Variants in DPP6 observed in about 807,000 individuals in gnomAD.
DPP6 encodes A-type potassium channel modulatory protein DPP6.
A neutral mutation model predicts 122.6 loss-of-function variants in DPP6; 69 were observed. The observed-to-expected ratio is 0.56, with a 90% CI of 0.46 to 0.69. DPP6 has a LOEUF of 0.69. Ranked by LOEUF, DPP6 falls within the 30% of genes least tolerant of loss-of-function variation. The pLI, the probability that DPP6 is intolerant of heterozygous loss-of-function variation, is 0.00. For missense variants in DPP6, 928 were observed against 1,116.9 expected (o/e 0.83, Z 2.41); for synonymous variants, 418 against 433.1 (o/e 0.97, Z 0.43).
chr7:154,215,844 C>G (rs1799966973), intron 1 of DPP6, among the ~76,000 whole-genome samples: 1 of 152,148 alleles, frequency 6.6e-6, no homozygotes, highest in South Asian at 2.1e-4. Context: ...GTCTCTGCAG[C>G]TGACTGATAT....
chr7:153,966,696 T>A (rs1212916952), intron 1 of DPP6, among the ~76,000 whole-genome samples: 1 of 151,940 alleles, frequency 6.6e-6, no homozygotes. Context: ...TTTTTAAGGA[T>A]GTGAGACTTG....
chr7:153,778,240 G>T, the DPP6 span, among the ~76,000 whole-genome samples: 1 of 151,010 alleles, frequency 6.6e-6, no homozygotes, highest in Admixed American at 6.6e-5. Flanking sequence ...TATAAAGAGG[G>T]AAGGCTAGAA....
chr7:154,313,452 C>T (rs79625918), intron 1 of DPP6, among the ~76,000 whole-genome samples: 1,878 of 151,788 alleles, frequency 0.012, 36 homozygotes, highest in African/African-American at 0.042. Flanking sequence ...GAAGTCTGAA[C>T]GTGGCACGAG....
intron 1 of DPP6, among the ~76,000 whole-genome samples, chr7:153,909,628 C>CG (rs915474513): frequency 2.0e-5 from 3 of 152,098 alleles, no homozygotes; most frequent in African/African-American, 7.2e-5. Flanking sequence ...ACATCGCAAA[C>CG]GACCTCCTTC....
rs574184397 is a variant in DPP6, at chr7:154,719,958, G to A, written c.763-7809G>A. 6.2e-4 allele frequency among the ~76,000 whole-genome samples: 94 copies of A among 152,280 alleles called. 1 individual carries two copies. The highest frequency in any genetic ancestry group is 2.1e-3 in the African/African-American group (86 of 41,560). On this transcript the variant is annotated intron_variant, in intron 7 of 25. Coordinates refer to ENST00000377770, the MANE Select transcript of DPP6 (RefSeq NM_130797.4). ...AGAGCAGGCCTCATCCTGCGCCCAC[G>A]TCCAACCTCCCTTATCCTCTCCCCC...
chr7:154,584,496 G>A (rs969488376), intron 5 of DPP6, among the ~76,000 whole-genome samples: 4 of 152,198 alleles, frequency 2.6e-5, no homozygotes, highest in South Asian at 2.1e-4. Context: ...ATAGAGCCTC[G>A]AGAAATATCC....
chr7:154,788,499 A>G (rs1324298622), intron 10 of DPP6, among the ~76,000 whole-genome samples: 1 of 152,164 alleles, frequency 6.6e-6, no homozygotes, highest in Admixed American at 6.5e-5. Flanking sequence ...TTGGTTGTTA[A>G]AAAAACACAT....
chr7:154,367,392 A>T (rs898113632), intron 1 of DPP6, among the ~76,000 whole-genome samples: 2 of 152,052 alleles, frequency 1.3e-5, no homozygotes, highest in African/African-American at 4.8e-5. Context: ...ACTTTTTTTT[A>T]AATTTTATTT....
At chr7:153,798,046 G>A in the DPP6 span, among the ~76,000 whole-genome samples, 1 of 152,084 alleles carries the variant, frequency 6.6e-6, no homozygotes, top group South Asian at 2.1e-4. Context: ...GTTTCACCAT[G>A]TTAGCCAGGA....
At chr7:153,885,806 A>G (rs566691764), upstream of DPP6, among the ~76,000 whole-genome samples, 3 of 152,242 alleles carry the variant, frequency 2.0e-5, no homozygotes, top group Non-Finnish European at 2.9e-5. Flanking sequence ...TACCTCTCTC[A>G]AGCCCAAATC....
intron 1 of DPP6, among the ~76,000 whole-genome samples, chr7:154,216,970 G>A (rs1800042013): frequency 6.6e-6 from 1 of 150,694 alleles, no homozygotes. Flanking sequence ...AGAAATATGA[G>A]ATTTATTCTA....
upstream of DPP6, among the ~76,000 whole-genome samples, chr7:153,883,475 C>T (rs1484759713): frequency 3.3e-5 from 5 of 152,104 alleles, no homozygotes; most frequent in African/African-American, 9.7e-5. Flanking sequence ...CTCCGCCTCC[C>T]GGGTTCAAGC....
intron 14 of DPP6, 70 bp from the exon 15 acceptor site, chr7:154,804,847 G>A: frequency 6.4e-7 from 1 of 1,555,446 alleles, no homozygotes; most frequent in Non-Finnish European, 8.7e-7. Context: ...CATAGAGGTA[G>A]TGCCAGGAAT....
At chr7:153,980,447 A>C (rs1346062486) in intron 1 of DPP6, among the ~76,000 whole-genome samples, 1 of 147,982 alleles carries the variant, frequency 6.8e-6, no homozygotes, top group Non-Finnish European at 1.5e-5. Context: ...TTTCTTCTTT[A>C]TTAGTCTGGT....
intron 1 of DPP6, among the ~76,000 whole-genome samples, chr7:154,243,365 A>C (rs1801768832): frequency 6.7e-6 from 1 of 150,122 alleles, no homozygotes; most frequent in South Asian, 2.1e-4. Context: ...GCAGTTATAA[A>C]TATAGCCAAG....
At chr7:154,239,392 A>C (rs1801424664) in intron 1 of DPP6, among the ~76,000 whole-genome samples, 1 of 152,176 alleles carries the variant, frequency 6.6e-6, no homozygotes, top group Non-Finnish European at 1.5e-5. Flanking sequence ...TGAAACAGCA[A>C]GACCAGCCCT....
chr7:154,282,657 C>T lies in DPP6; in HGVS notation c.244-163557C>T, dbSNP rs547089243. Among the ~76,000 whole-genome samples the T allele has an allele frequency of 3.3e-5, 5 of 152,276 alleles. No individual in the cohort carries two copies. The highest frequency in any genetic ancestry group is 1.2e-4 in the African/African-American group (5 of 41,560). ...TCAAATCGCATATGTTGCATGCTTACTTGAAAGGAATTTGCACAGAGTGGT... is the reference window on the plus strand; with the variant it reads ...TCAAATCGCATATGTTGCATGCTTATTTGAAAGGAATTTGCACAGAGTGGT... On this transcript the variant is annotated intron_variant, in intron 1 of 25. Transcript: ENST00000377770. The surrounding 1 kb of genome is among the most constrained non-coding windows in gnomAD (Gnocchi z 4.8).
chr7:154,297,673 T>C (rs1334654991), intron 1 of DPP6, among the ~76,000 whole-genome samples: 1 of 152,214 alleles, frequency 6.6e-6, no homozygotes, highest in Non-Finnish European at 1.5e-5. Flanking sequence ...TTTATTTCTC[T>C]TTCTTGTAAA....
chr7:154,005,640 C>T (rs969449667), intron 1 of DPP6, among the ~76,000 whole-genome samples: 3 of 145,912 alleles, frequency 2.1e-5, no homozygotes, highest in African/African-American at 7.6e-5. Context: ...TGACGTCGCC[C>T]AGGAGGCTGG....
Sources: allele counts gnomAD v4.1 joint callset (sites outside exome capture counted in the v4.1 genomes callset), GRCh38; gene constraint gnomAD v4.1.1; non-coding constraint Gnocchi (gnomAD v3.1); transcripts MANE v1.5; gene names NCBI Gene and HGNC (gene_info 2026-07-23, HGNC 2026-07-21).